The following SBF2 variants were observed in gnomAD, a reference collection of about 807,000 sequenced individuals.
The protein encoded by SBF2 is SET binding factor 2, also known as myotubularin-related protein 13.
Under a neutral mutation model 225.2 loss-of-function variants are expected in SBF2, and 112 were observed. The ratio of observed to expected loss-of-function variants is 0.50; its 90% CI spans 0.43 to 0.58. The LOEUF (loss-of-function observed/expected upper bound fraction) is 0.58, where lower values mean the gene tolerates loss of function less well. Ranked by LOEUF, SBF2 falls within the 20% of genes least tolerant of loss-of-function variation. The probability of loss-of-function intolerance (pLI) is 0.00; values close to 1 mark genes in which losing one functional copy is unlikely to be tolerated. For missense variants in SBF2, 1,996 were observed against 2,206.2 expected (o/e 0.90, Z 1.91); for synonymous variants, 763 against 773.3 (o/e 0.99, Z 0.22).
At chr11:9,966,580 T>C (rs1187430191) in intron 14 of SBF2, among the ~76,000 whole-genome samples, 1 of 151,952 alleles carries the variant, frequency 6.6e-6, no homozygotes, top group Non-Finnish European at 1.5e-5. Flanking sequence ...TCTTCCTCAA[T>C]AGCTGAAAAA....
At chr11:10,240,045 T>C (rs1014448847) in intron 1 of SBF2, among the ~76,000 whole-genome samples, 1 of 152,078 alleles carries the variant, frequency 6.6e-6, no homozygotes, top group Admixed American at 6.6e-5. Flanking sequence ...CCACAGCTGA[T>C]TAGTATTGGT....
intron 2 of SBF2, among the ~76,000 whole-genome samples, chr11:10,176,923 A>G (rs1316251419): frequency 4.6e-5 from 7 of 152,232 alleles, no homozygotes; most frequent in Admixed American, 2.0e-4. Context: ...CTTGGTGAAC[A>G]TTGATGCAAA....
At chr11:9,990,191 G>A (rs1295155148) in intron 12 of SBF2, among the ~76,000 whole-genome samples, 1 of 152,050 alleles carries the variant, frequency 6.6e-6, no homozygotes, top group African/African-American at 2.4e-5. Flanking sequence ...AATTGTGGGG[G>A]GGTAAATAGA....
intron 17 of SBF2, among the ~76,000 whole-genome samples, chr11:9,877,445 G>A (rs1468940686): frequency 1.3e-5 from 2 of 152,094 alleles, no homozygotes; most frequent in Admixed American, 6.6e-5. Context: ...TGTGCACAAT[G>A]TGCAGGTTTG....
intron 35 of SBF2, 109 bp from the exon 36 acceptor site, chr11:9,787,847 CA>C: frequency 1.1e-6 from 1 of 915,006 alleles, no homozygotes; most frequent in South Asian, 1.4e-5. Flanking sequence ...GGCCAGAGGG[CA>C]GTTGAGGAAA....
At chr11:10,011,645 A>T (rs1236243503) in intron 6 of SBF2, among the ~76,000 whole-genome samples, 1 of 152,020 alleles carries the variant, frequency 6.6e-6, no homozygotes, top group Non-Finnish European at 1.5e-5. Context: ...CTTGTTTGGT[A>T]TTTTTTTCTT....
chr11:9,891,364 T>C (rs1860800788), intron 17 of SBF2, among the ~76,000 whole-genome samples: 1 of 152,204 alleles, frequency 6.6e-6, no homozygotes, highest in South Asian at 2.1e-4. Context: ...TTAATAAACA[T>C]AATCTTTAAA....
intron 13 of SBF2, among the ~76,000 whole-genome samples, chr11:9,986,982 A>G (rs1947224839): frequency 6.6e-6 from 1 of 152,152 alleles, no homozygotes; most frequent in Admixed American, 6.5e-5. Context: ...AAAAAAGAAA[A>G]CTACAGACTA....
chr11:10,094,912 A>G lies in SBF2; in HGVS notation c.142-51931T>C, dbSNP rs375830946. Among the ~76,000 whole-genome samples, 10 of 152,106 alleles carry G rather than the reference A, an allele frequency of 6.6e-5. No individual in the cohort carries two copies. The East Asian group carries it at 7.7e-4, about 12-fold the overall frequency. ...TTCTTAGACTCATGAAGCATAAAAA[A>G]AAATAAAAAGGAATCCCACACAATC... On this transcript the variant is annotated intron_variant, in intron 2 of 39. Transcript: ENST00000256190.
At chr11:9,953,316 C>G (rs925642421) in intron 16 of SBF2, among the ~76,000 whole-genome samples, 1 of 152,060 alleles carries the variant, frequency 6.6e-6, no homozygotes, top group African/African-American at 2.4e-5. Context: ...TGGTGGCATG[C>G]GCCTGTAATC....
In SBF2 at chr11:10,029,755, T is replaced by C; in HGVS notation, c.513+10A>G. 2 of 1,557,206 alleles carry C rather than the reference T, an allele frequency of 1.3e-6. No homozygotes were observed. Among genetic ancestry groups the C allele is most frequent in the Non-Finnish European group, 1.8e-6 (2 of 1,128,124 alleles). On this transcript the variant is annotated intron_variant, in intron 5 of 39. Transcript: ENST00000256190. ...CAATCCTTCTCCACCTCTCTTTCTA[T>C]TCTATTTACCTGAGACCCTCCAGCC...
At chr11:10,173,041 T>A (rs566014768) in intron 2 of SBF2, among the ~76,000 whole-genome samples, 1 of 152,242 alleles carries the variant, frequency 6.6e-6, no homozygotes, top group Non-Finnish European at 1.5e-5. Context: ...CATGTGTTTG[T>A]ATAGTTTCCA....
At chr11:10,161,323 G>A (rs1160620582) in intron 2 of SBF2, among the ~76,000 whole-genome samples, 1 of 150,224 alleles carries the variant, frequency 6.7e-6, no homozygotes, top group Non-Finnish European at 1.5e-5. Context: ...CTCCTAATAG[G>A]GTATGAAGCC....
chr11:9,883,092 C>G (rs1397814522), intron 17 of SBF2, among the ~76,000 whole-genome samples: 1 of 151,982 alleles, frequency 6.6e-6, no homozygotes, highest in Non-Finnish European at 1.5e-5. Flanking sequence ...CGAGATTATG[C>G]CTCTGCACTC....
At chr11:10,048,198 T>C (rs1164476829) in intron 2 of SBF2, among the ~76,000 whole-genome samples, 2 of 152,126 alleles carry the variant, frequency 1.3e-5, no homozygotes, top group African/African-American at 2.4e-5. Context: ...AAACTGGCCC[T>C]TGATATCCAC....
intron 1 of SBF2, among the ~76,000 whole-genome samples, chr11:10,207,390 G>A (rs1237585617): frequency 6.6e-6 from 1 of 152,228 alleles, no homozygotes; most frequent in African/African-American, 2.4e-5. Context: ...CGGAGCATCA[G>A]TGGCAAAACA....
chr11:10,157,867 C>T (rs1430974795), intron 2 of SBF2, among the ~76,000 whole-genome samples: 1 of 152,136 alleles, frequency 6.6e-6, no homozygotes, highest in Non-Finnish European at 1.5e-5. Flanking sequence ...ACAGAACATT[C>T]CACCCAACAA....
chr11:9,847,156 C>T, intron 22 of SBF2, 73 bp from the exon 23 acceptor site: 1 of 1,559,078 alleles, frequency 6.4e-7, no homozygotes, highest in Non-Finnish European at 8.8e-7. Flanking sequence ...CTGCTTACTT[C>T]ATCAGTCTCT....
At chr11:10,141,863 A>C (rs1385049127) in intron 2 of SBF2, among the ~76,000 whole-genome samples, 1 of 152,174 alleles carries the variant, frequency 6.6e-6, no homozygotes, top group African/African-American at 2.4e-5. Flanking sequence ...CTATGCCAGA[A>C]AATTTCTGAG....
Sources: allele counts gnomAD v4.1 joint callset (sites outside exome capture counted in the v4.1 genomes callset), GRCh38; gene constraint gnomAD v4.1.1; transcripts MANE v1.5; gene names NCBI Gene and HGNC (gene_info 2026-07-23, HGNC 2026-07-21).